Variants in ZNF18 observed in about 807,000 individuals in gnomAD.
ZNF18 encodes the protein zinc finger protein 18.
ZNF18 carries 42 observed loss-of-function variants against 58.1 expected under a neutral mutation model. That is an observed-to-expected ratio of 0.72 (90% CI 0.56 to 0.93). The LOEUF (loss-of-function observed/expected upper bound fraction) is 0.93, where lower values mean the gene tolerates loss of function less well. ZNF18 is among the 40% of genes least tolerant of loss of function. The pLI, the probability that ZNF18 is intolerant of heterozygous loss-of-function variation, is 0.00. For missense variants in ZNF18, 540 were observed against 644.2 expected (o/e 0.84, Z 1.75); for synonymous variants, 231 against 239.8 (o/e 0.96, Z 0.34).
At chr17:12,000,645 G>A (rs924063478), upstream of ZNF18, among the ~76,000 whole-genome samples, 17 of 152,322 alleles carry the variant, frequency 1.1e-4, no homozygotes, top group Middle Eastern at 3.4e-3. Flanking sequence ...GAGCCCAGGA[G>A]GCAGAGGTTG....
upstream of ZNF18, among the ~76,000 whole-genome samples, chr17:12,001,140 G>C (rs1968648768): frequency 6.6e-6 from 1 of 152,032 alleles, no homozygotes; most frequent in Non-Finnish European, 1.5e-5. Flanking sequence ...AGGCCACATG[G>C]AACACTCACA....
the ZNF18 span, among the ~76,000 whole-genome samples, chr17:12,015,793 T>C: frequency 6.6e-6 from 1 of 152,060 alleles, no homozygotes; most frequent in African/African-American, 2.4e-5. Context: ...ATATTTGTAT[T>C]CCTTTTTTTT....
the ZNF18 span, among the ~76,000 whole-genome samples, chr17:12,007,688 T>C: frequency 1.7e-4 from 26 of 152,214 alleles, no homozygotes; most frequent in Non-Finnish European, 2.1e-4. Flanking sequence ...CTGCTGGGGA[T>C]GGCTAGACGC....
chr17:11,993,980 C>G (rs945646530), intron 1 of ZNF18, among the ~76,000 whole-genome samples: 4 of 152,052 alleles, frequency 2.6e-5, no homozygotes, highest in South Asian at 4.1e-4. Flanking sequence ...TATTAAATCG[C>G]AAATAATATT....
intron 1 of ZNF18, 54 bp from the exon 2 acceptor site, chr17:11,992,965 A>C: frequency 9.1e-7 from 1 of 1,098,470 alleles, no homozygotes; most frequent in South Asian, 1.7e-5. Context: ...ACATTTTCAG[A>C]AAGAACAAAT....
the ZNF18 span, among the ~76,000 whole-genome samples, chr17:12,003,066 C>T: frequency 2.4e-3 from 368 of 152,264 alleles, 1 homozygote; most frequent in African/African-American, 8.1e-3. Flanking sequence ...ATTGAGAGAA[C>T]AGAGAATTAA....
chr17:12,009,558 T>A, the ZNF18 span, among the ~76,000 whole-genome samples: 3 of 151,506 alleles, frequency 2.0e-5, no homozygotes, highest in Non-Finnish European at 4.4e-5. Context: ...ATTCAAGCAA[T>A]TCTCCTGCCT....
At chr17:11,986,687 CAGG>C (rs1967761970) in intron 4 of ZNF18, among the ~76,000 whole-genome samples, 1 of 152,182 alleles carries the variant, frequency 6.6e-6, no homozygotes, top group Non-Finnish European at 1.5e-5. Context: ...TTGCTGAACA[CAGG>C]AGTTCTCAGT....
intron 6 of ZNF18, among the ~76,000 whole-genome samples, chr17:11,981,988 A>G (rs1037427047): frequency 6.6e-6 from 1 of 151,990 alleles, no homozygotes; most frequent in Non-Finnish European, 1.5e-5. Context: ...CTAAGGGTGG[A>G]GTCCTCATGA....
chr17:11,992,968 G>T, intron 1 of ZNF18, 57 bp from the exon 2 acceptor site: 1 of 1,067,590 alleles, frequency 9.4e-7, no homozygotes, highest in Non-Finnish European at 1.3e-6. Context: ...TTTTCAGAAA[G>T]AACAAATTCA....
intron 1 of ZNF18, among the ~76,000 whole-genome samples, chr17:11,994,503 G>A (rs1968339451): frequency 6.6e-6 from 1 of 152,138 alleles, no homozygotes; most frequent in African/African-American, 2.4e-5. Flanking sequence ...GCATGTTACT[G>A]TATTTTTGTG....
At chr17:12,018,018 G>A in the ZNF18 span, among the ~76,000 whole-genome samples, 4 of 152,144 alleles carry the variant, frequency 2.6e-5, no homozygotes, top group Non-Finnish European at 4.4e-5. Context: ...TTTCAGGATG[G>A]GGGACTTTGA....
chr17:11,998,775 A>G (rs903665355), upstream of ZNF18, among the ~76,000 whole-genome samples: 22 of 148,238 alleles, frequency 1.5e-4, 1 homozygote, highest in Non-Finnish European at 8.9e-5. Flanking sequence ...ACAAGATCCT[A>G]TGTGTGAAAC....
chr17:11,985,130 T>C (rs762275924), intron 4 of ZNF18, among the ~76,000 whole-genome samples: 1 of 152,196 alleles, frequency 6.6e-6, no homozygotes, highest in Non-Finnish European at 1.5e-5. Flanking sequence ...TTCCAGATAG[T>C]GGAAAACTGG....
intron 6 of ZNF18, among the ~76,000 whole-genome samples, chr17:11,982,574 G>A (rs1186888946): frequency 1.3e-5 from 2 of 151,834 alleles, no homozygotes; most frequent in African/African-American, 4.8e-5. Flanking sequence ...GATGCCACTG[G>A]GGAGAAAGAA....
At position 11,991,180 on chromosome 17, in the gene ZNF18, A is replaced by C. The variant is rs907224264; in HGVS notation, c.388-17T>G. ...GATACTGATCTAGAGACCATATATT[A>C]ATTAGTAATTACTGAAGAATCCAGA... On this transcript the variant is annotated splice_polypyrimidine_tract_variant and intron_variant, in intron 2 of 6. Transcript: ENST00000580306. 1.9e-6 allele frequency: 3 copies of C among 1,599,584 alleles called. No homozygotes were observed. The highest frequency in any genetic ancestry group is 2.6e-6 in the Non-Finnish European group (3 of 1,169,178).
At chr17:12,017,891 AAT>A in the ZNF18 span, among the ~76,000 whole-genome samples, 1 of 151,818 alleles carries the variant, frequency 6.6e-6, no homozygotes, top group African/African-American at 2.4e-5. Context: ...AAAAAAAAAA[AAT>A]GTATTTTTAG....
chr17:12,005,939 GT>G, the ZNF18 span, among the ~76,000 whole-genome samples: 10 of 151,980 alleles, frequency 6.6e-5, no homozygotes, highest in Non-Finnish European at 1.3e-4. Context: ...GATCAAAAAA[GT>G]GTAGATCTCC....
chr17:12,017,706 C>T, the ZNF18 span, among the ~76,000 whole-genome samples: 25 of 151,796 alleles, frequency 1.6e-4, no homozygotes, highest in African/African-American at 5.1e-4. Flanking sequence ...GGTGAAACCC[C>T]GTCTCTACTA....
Sources: gnomAD v4.1 joint callset for allele counts (sites outside exome capture counted in the v4.1 genomes callset) on GRCh38, gnomAD v4.1.1 for gene constraint, MANE v1.5 for transcripts, NCBI Gene and HGNC (gene_info 2026-07-23, HGNC 2026-07-21) for gene names.